Variants in LRGUK observed in about 807,000 individuals in gnomAD.
LRGUK encodes the protein leucine-rich repeat and guanylate kinase domain-containing protein.
LRGUK carries 65 observed loss-of-function variants against 76.0 expected under a neutral mutation model. The observed-to-expected ratio is 0.85, with a 90% CI of 0.70 to 1.05. LRGUK has a LOEUF of 1.05. Among genes scored for constraint, LRGUK ranks in the 50% least tolerant of loss-of-function variants. The pLI is 0.00. For missense variants in LRGUK, 758 were observed against 732.8 expected (o/e 1.03, Z -0.40); for synonymous variants, 268 against 265.6 (o/e 1.01, Z -0.09).
chr7:134,262,811 T>A (rs1255643475), intron 19 of LRGUK, among the ~76,000 whole-genome samples: 1 of 151,706 alleles, frequency 6.6e-6, no homozygotes, highest in African/African-American at 2.4e-5. Context: ...CTACCAAAAA[T>A]ACAAAAATTA....
chr7:134,213,225 A>T (rs1250195906), downstream of LRGUK, among the ~76,000 whole-genome samples: 3 of 152,068 alleles, frequency 2.0e-5, no homozygotes, highest in Non-Finnish European at 4.4e-5. Context: ...AACAATGGGG[A>T]GCTGCTGAAT....
At chr7:134,160,773 A>G (rs1563153105) in intron 6 of LRGUK, among the ~76,000 whole-genome samples, 1 of 152,182 alleles carries the variant, frequency 6.6e-6, no homozygotes, top group Non-Finnish European at 1.5e-5. Flanking sequence ...GTTGGTTGAG[A>G]ATGTTTCTAA....
At chr7:134,158,071 G>A in exon 6 of LRGUK, 1 of 1,612,986 alleles carries the variant, frequency 6.2e-7, no homozygotes, top group South Asian at 1.1e-5. Context: ...CTAGAGATGT[G>A]CAACAACCTA....
In LRGUK at chr7:134,215,605, A is replaced by T. The variant is rs148909608; in HGVS notation, c.1844-6174A>T. Among the ~76,000 whole-genome samples the T allele has an allele frequency of 2.3e-3, 344 of 148,180 alleles. 1 individual carries two copies. The highest frequency in any genetic ancestry group is 7.5e-3 in the African/African-American group (303 of 40,476). ...TGTATACGTTTTATATAAAGCTTTT[A>T]AAAAAAAAAGGCACTTGAGAACAAT... On this transcript the variant is annotated intron_variant, in intron 15 of 19. Coordinates refer to the LRGUK transcript ENST00000285928.
chr7:134,172,641 A>G (rs2116974015), intron 7 of LRGUK, among the ~76,000 whole-genome samples: 1 of 152,278 alleles, frequency 6.6e-6, no homozygotes, highest in East Asian at 1.9e-4. Context: ...AGACGTGATA[A>G]ATGAAGGAAC....
At chr7:134,197,008 C>T (rs138654933) in exon 13 of LRGUK, 4 of 1,593,578 alleles carry the variant, frequency 2.5e-6, no homozygotes, top group South Asian at 1.1e-5. Context: ...TTCATTCTAA[C>T]ATTTAGTTAT....
chr7:134,196,490 CT>C (rs1800492045), intron 12 of LRGUK, among the ~76,000 whole-genome samples: 2 of 152,106 alleles, frequency 1.3e-5, no homozygotes, highest in Admixed American at 1.3e-4. Flanking sequence ...TTTTTCAAAG[CT>C]TTTAGGATGT....
At chr7:134,207,033 G>T (rs1011207406) in intron 15 of LRGUK, among the ~76,000 whole-genome samples, 1 of 152,116 alleles carries the variant, frequency 6.6e-6, no homozygotes, top group Non-Finnish European at 1.5e-5. Context: ...TAAAAGTGGG[G>T]AACACATCCT....
chr7:134,127,538 C>G (rs998044496), exon 1 of LRGUK: 2 of 1,614,174 alleles, frequency 1.2e-6, no homozygotes, highest in Admixed American at 3.3e-5. Flanking sequence ...CTAACATAGC[C>G]TCCTCCTACC....
intron 11 of LRGUK, among the ~76,000 whole-genome samples, chr7:134,191,354 A>G (rs1427669260): frequency 6.6e-6 from 1 of 152,194 alleles, no homozygotes; most frequent in African/African-American, 2.4e-5. Context: ...GTTGAGTGAT[A>G]AGTATTGATT....
chr7:134,203,789 C>G (rs908846152), intron 15 of LRGUK, among the ~76,000 whole-genome samples: 1 of 152,170 alleles, frequency 6.6e-6, no homozygotes, highest in Admixed American at 6.5e-5. Flanking sequence ...GGCGTCGGTT[C>G]TTTAGAAAGC....
At chr7:134,255,567 T>C (rs2117220289) in intron 18 of LRGUK, among the ~76,000 whole-genome samples, 1 of 152,328 alleles carries the variant, frequency 6.6e-6, no homozygotes, top group African/African-American at 2.4e-5. Context: ...ACTTTCATTA[T>C]TTTCTACCAG....
chr7:134,257,559 A>ACTT (rs1802616537), intron 18 of LRGUK, among the ~76,000 whole-genome samples: 1 of 152,196 alleles, frequency 6.6e-6, no homozygotes, highest in South Asian at 2.1e-4. Flanking sequence ...TAATCCCAGT[A>ACTT]CTTTCGGAGG....
At chr7:134,211,958 C>T (rs1396864630), downstream of LRGUK, among the ~76,000 whole-genome samples, 1 of 152,146 alleles carries the variant, frequency 6.6e-6, no homozygotes, top group Non-Finnish European at 1.5e-5. Flanking sequence ...TGGTCTAGGA[C>T]TCTCACCACT....
chr7:134,263,446 A>G (rs1027268533), intron 19 of LRGUK, among the ~76,000 whole-genome samples: 1 of 65,556 alleles, frequency 1.5e-5, no homozygotes, highest in African/African-American at 4.3e-5. Flanking sequence ...ATTGTGAAAG[A>G]GTACTGTGTG....
chr7:134,163,856 T>C (rs2116935733), intron 7 of LRGUK, among the ~76,000 whole-genome samples: 1 of 152,294 alleles, frequency 6.6e-6, no homozygotes, highest in Non-Finnish European at 1.5e-5. Flanking sequence ...AGTAGGAATG[T>C]CTGAAATATC....
At chr7:134,263,241 T>G (rs1585613469) in intron 19 of LRGUK, among the ~76,000 whole-genome samples, 2 of 151,984 alleles carry the variant, frequency 1.3e-5, no homozygotes, top group South Asian at 4.2e-4. Context: ...ATTCTGCTTC[T>G]GCTATGGCCA....
chr7:134,177,063 G>A (rs775565024), exon 9 of LRGUK: 5 of 1,578,682 alleles, frequency 3.2e-6, no homozygotes, highest in Non-Finnish European at 4.3e-6. Context: ...TGGAAGAAAA[G>A]GTATGTAATC....
chr7:134,249,184 GC>G, intron 18 of LRGUK, 108 bp downstream of exon 18: 1 of 1,249,200 alleles, frequency 8.0e-7, no homozygotes, highest in Non-Finnish European at 1.1e-6. Flanking sequence ...GGGAAGCAGG[GC>G]CCTAACTCCC....
Sources: gnomAD v4.1 joint callset for allele counts (sites outside exome capture counted in the v4.1 genomes callset) on GRCh38, gnomAD v4.1.1 for gene constraint, MANE v1.5 for transcripts, NCBI Gene and HGNC (gene_info 2026-07-23, HGNC 2026-07-21) for gene names.